The following NFIA variants were observed in gnomAD, a reference collection of about 807,000 sequenced individuals.
The protein encoded by NFIA is nuclear factor I A, also known as nuclear factor 1 A-type.
NFIA carries 8 observed loss-of-function variants against 62.8 expected under a neutral mutation model. The ratio of observed to expected loss-of-function variants is 0.13; its 90% CI spans 0.07 to 0.23. The LOEUF is 0.23. Ranked by LOEUF, NFIA falls within the 10% of genes least tolerant of loss-of-function variation. NFIA has a pLI of 1.00. For synonymous variants in NFIA, 235 were observed against 238.1 expected (o/e 0.99, Z 0.12); for missense variants, 410 against 642.1 (o/e 0.64, Z 3.91).
chr1:61,190,138 T>C (rs1482163206), intron 2 of NFIA, among the ~76,000 whole-genome samples: 1 of 152,216 alleles, frequency 6.6e-6, no homozygotes, highest in Non-Finnish European at 1.5e-5. Flanking sequence ...ATCCTCACAC[T>C]ACCTCTTTAG....
chr1:61,384,752 A>G (rs958350855), intron 7 of NFIA, among the ~76,000 whole-genome samples: 2 of 152,176 alleles, frequency 1.3e-5, no homozygotes, highest in African/African-American at 4.8e-5. Flanking sequence ...AAGTTAACAT[A>G]TTCTAAATGC....
At chr1:61,105,959 TA>T (rs75987796) in intron 2 of NFIA, among the ~76,000 whole-genome samples, 9,464 of 150,998 alleles carry the variant, frequency 0.063, 764 homozygotes, top group East Asian at 0.35. Context: ...TTCACTTGGT[TA>T]AAAAAAAATT....
intron 3 of NFIA, among the ~76,000 whole-genome samples, chr1:61,301,234 G>A (rs896443372): frequency 6.6e-6 from 1 of 151,992 alleles, no homozygotes; most frequent in Non-Finnish European, 1.5e-5. Flanking sequence ...CTTCTTTTAG[G>A]GCCCACTAAC....
chr1:61,140,965 G>GTTTTTTTTTT (rs35173386), intron 2 of NFIA, among the ~76,000 whole-genome samples: 3 of 88,596 alleles, frequency 3.4e-5, no homozygotes, highest in Non-Finnish European at 4.2e-5. Context: ...CCACAGCTGG[G>GTTTTTTTTTT]TTTTTTTTTT....
At chr1:61,345,991 A>C (rs1445902982) in intron 4 of NFIA, among the ~76,000 whole-genome samples, 2 of 152,144 alleles carry the variant, frequency 1.3e-5, no homozygotes, top group Admixed American at 1.3e-4. Flanking sequence ...TATGAGGCCC[A>C]AAGAGTTCCA....
intron 3 of NFIA, among the ~76,000 whole-genome samples, chr1:61,292,930 A>G (rs926770467): frequency 6.6e-6 from 1 of 152,110 alleles, no homozygotes; most frequent in Non-Finnish European, 1.5e-5. Flanking sequence ...CAAGTCGTGC[A>G]ATGCTCTTTT....
At chr1:61,287,996 T>C (rs74868264) in intron 3 of NFIA, among the ~76,000 whole-genome samples, 2,842 of 152,266 alleles carry the variant, frequency 0.019, 32 homozygotes, top group Middle Eastern at 0.048. Context: ...TTCCATTCCT[T>C]CCGCATCTGC....
At chr1:61,184,120 AAAAC>A (rs1376739636) in intron 2 of NFIA, among the ~76,000 whole-genome samples, 18 of 144,304 alleles carry the variant, frequency 1.2e-4, no homozygotes, top group Admixed American at 1.0e-3. Context: ...GGGGGGAAAA[AAAAC>A]CAAAAAAAAA....
intron 2 of NFIA, among the ~76,000 whole-genome samples, chr1:61,093,320 G>GAATATACACTGTATATTGTATACAC (rs1557559679): frequency 2.0e-5 from 3 of 151,804 alleles, no homozygotes; most frequent in Admixed American, 6.6e-5. Flanking sequence ...TTTGGAAAAA[G>GAATATACACTGTATATTGTATACAC]AATATACACT....
At chr1:61,276,533 T>A (rs1324344094) in intron 2 of NFIA, among the ~76,000 whole-genome samples, 1 of 152,158 alleles carries the variant, frequency 6.6e-6, no homozygotes, top group Admixed American at 6.5e-5. Context: ...TGAAAAAAAA[T>A]TTTTGTGTTT....
rs10544967 is a variant in NFIA, at chr1:61,352,756, T to TACACACACACAC, written c.818+206_818+217dup. Among the ~76,000 whole-genome samples the TACACACACACAC allele has an allele frequency of 1.3e-3, 202 of 150,562 alleles. 1 individual carries two copies. The highest frequency in any genetic ancestry group is 4.7e-3 in the African/African-American group (193 of 40,976). On this transcript the variant is annotated intron_variant, in intron 5 of 10. Transcript: ENST00000403491. ...CAAATATGCATGTGGCAAGATTAAA[T>TACACACACACAC]ACACACACACACACACACACACACA...
chr1:61,391,985 A>G (rs2100500730), intron 7 of NFIA, among the ~76,000 whole-genome samples: 1 of 152,344 alleles, frequency 6.6e-6, no homozygotes, highest in South Asian at 2.1e-4. Context: ...TTATTGGAGT[A>G]TGTCACTTGA....
chr1:61,171,748 AAG>A (rs1649982797), intron 2 of NFIA, among the ~76,000 whole-genome samples: 3 of 152,090 alleles, frequency 2.0e-5, no homozygotes, highest in African/African-American at 7.2e-5. Flanking sequence ...TGTTGGGGGA[AAG>A]AGAGCACAGA....
intron 2 of NFIA, among the ~76,000 whole-genome samples, chr1:61,230,791 C>T (rs1365442343): frequency 6.6e-6 from 1 of 152,216 alleles, no homozygotes; most frequent in Non-Finnish European, 1.5e-5. Flanking sequence ...TTACAGTTTA[C>T]CAAGGTGCTG....
chr1:61,369,236 A>G (rs1009267500), intron 6 of NFIA, among the ~76,000 whole-genome samples: 2 of 152,172 alleles, frequency 1.3e-5, no homozygotes, highest in African/African-American at 4.8e-5. Context: ...AGTTTATCAT[A>G]CTATACTCAT....
chr1:61,098,370 C>T (rs1226106783), intron 2 of NFIA, among the ~76,000 whole-genome samples: 4 of 152,252 alleles, frequency 2.6e-5, no homozygotes, highest in South Asian at 2.1e-4. Context: ...AGAAATTTTG[C>T]GTCTTTATAT....
rs114775381 is a variant in NFIA, at chr1:61,333,001, C to T, written c.700+415C>T. Among the ~76,000 whole-genome samples the T allele has an allele frequency of 6.0e-3, 899 of 150,692 alleles. 16 individuals are homozygous for T. Among genetic ancestry groups the T allele is most frequent in the African/African-American group, 0.021 (872 of 41,050 alleles). ...CCATCTTGCTCCATTGATCAAAGGC[C>T]CATTCAATTGATTGTAGTTTTGTTA... On this transcript the variant is annotated intron_variant, in intron 4 of 10. Transcript: ENST00000403491.
chr1:61,159,733 G>A (rs1649057099), intron 2 of NFIA, among the ~76,000 whole-genome samples: 2 of 143,442 alleles, frequency 1.4e-5, no homozygotes, highest in South Asian at 4.5e-4. Context: ...CCGGGCTGGA[G>A]TGCAGTGGCT....
intron 3 of NFIA, among the ~76,000 whole-genome samples, chr1:61,292,951 T>A (rs1185647649): frequency 6.6e-6 from 1 of 152,188 alleles, no homozygotes; most frequent in Non-Finnish European, 1.5e-5. Flanking sequence ...CCATGTCCTG[T>A]GCCCGTATGT....
Sources: allele counts gnomAD v4.1 joint callset (sites outside exome capture counted in the v4.1 genomes callset), GRCh38; gene constraint gnomAD v4.1.1; transcripts MANE v1.5; gene names NCBI Gene and HGNC (gene_info 2026-07-23, HGNC 2026-07-21).